Variants in ZNF215 observed in about 807,000 individuals in gnomAD.
ZNF215 encodes BWSCR2-associated zinc finger protein 2.
Under a neutral mutation model 27.2 loss-of-function variants are expected in ZNF215, and 24 were observed. The ratio of observed to expected loss-of-function variants is 0.88; its 90% confidence interval spans 0.64 to 1.24. The LOEUF (loss-of-function observed/expected upper bound fraction) is 1.24. ZNF215 is among the 50% of genes most tolerant of loss of function. ZNF215 has a pLI of 0.00. For synonymous variants in ZNF215, 210 were observed against 204.0 expected (o/e 1.03, Z -0.25); for missense variants, 675 against 605.7 (o/e 1.11, Z -1.20).
chr11:6,978,058 A>T (rs2857924), intron 5 of ZNF215, among the ~76,000 whole-genome samples: 35,234 of 151,822 alleles, frequency 0.23, 4,533 homozygotes, highest in Non-Finnish European at 0.29. Context: ...TCTAACTAAC[A>T]TTACTAAGCA....
intron 5 of ZNF215, among the ~76,000 whole-genome samples, chr11:6,965,572 T>G (rs1850602017): frequency 6.6e-6 from 1 of 152,058 alleles, no homozygotes; most frequent in Non-Finnish European, 1.5e-5. Context: ...TGTCTTAAGG[T>G]TTTTTATTTC....
intron 3 of ZNF215, among the ~76,000 whole-genome samples, chr11:6,935,520 C>T (rs927387597): frequency 7.2e-5 from 11 of 152,014 alleles, no homozygotes; most frequent in Non-Finnish European, 1.5e-5. Flanking sequence ...AAAATTAGTT[C>T]AAAAGTTACT....
At chr11:6,927,560 A>T (rs1456787560) in intron 1 of ZNF215, 102 bp from the exon 2 acceptor site, 1 of 152,256 alleles carries the variant, frequency 6.6e-6, no homozygotes, top group Non-Finnish European at 1.5e-5. Context: ...TCACAGTGGT[A>T]CTGGCTCCGT....
At chr11:6,978,898 A>G (rs2638105) in intron 5 of ZNF215, among the ~76,000 whole-genome samples, 35,803 of 152,012 alleles carry the variant, frequency 0.24, 4,790 homozygotes, top group Non-Finnish European at 0.3. Context: ...GAATTATAAG[A>G]TGAACAAAAA....
downstream of ZNF215, chr11:6,988,408 G>A (rs970780056): frequency 7.6e-6 from 2 of 262,296 alleles, no homozygotes; most frequent in Non-Finnish European, 1.2e-5. Flanking sequence ...AGGCTTTAAT[G>A]TAACTGATTT....
chr11:6,963,961 T>G (rs1850566235), intron 5 of ZNF215, among the ~76,000 whole-genome samples: 1 of 151,956 alleles, frequency 6.6e-6, no homozygotes, highest in Non-Finnish European at 1.5e-5. Flanking sequence ...TTAATCCGGG[T>G]TTTTTAAATG....
At position 6,966,779 on chromosome 11, in the gene ZNF215, A is replaced by AT. The variant is rs905999859; in HGVS notation, c.805+11006dup. Among the ~76,000 whole-genome samples, 8 of 148,262 alleles carry AT rather than the reference A, an allele frequency of 5.4e-5. No homozygotes were observed. The East Asian group carries it at 6.0e-4, about 11-fold the overall frequency. On this transcript the variant is annotated intron_variant, in intron 5 of 5. Transcript: ENST00000529903. ...TTTTTGTTTCTTAAGGTAGATGCTTATTTTTTTTTAAGTATATGGGAAGTT... is the reference window on the plus strand; with the variant it reads ...TTTTTGTTTCTTAAGGTAGATGCTTATTTTTTTTTTAAGTATATGGGAAGTT...
chr11:6,937,448 T>C (rs544964985), intron 3 of ZNF215, among the ~76,000 whole-genome samples: 2 of 148,610 alleles, frequency 1.3e-5, no homozygotes, highest in Non-Finnish European at 3.0e-5. Context: ...CAAAGCAATC[T>C]ACAGATTCAA....
At chr11:6,965,143 A>G (rs1450088177) in intron 5 of ZNF215, among the ~76,000 whole-genome samples, 1 of 152,132 alleles carries the variant, frequency 6.6e-6, no homozygotes, top group African/African-American at 2.4e-5. Context: ...CAGAAGAAAT[A>G]TCTGAGTGAA....
chr11:6,992,505 C>G (rs962743438), downstream of ZNF215, among the ~76,000 whole-genome samples: 5 of 152,286 alleles, frequency 3.3e-5, no homozygotes, highest in Admixed American at 3.3e-4. Context: ...TTTACACTAA[C>G]AGTAAAGTAT....
rs1190348589 is a variant in ZNF215 at position 6,973,358 on chromosome 11, C to T, written c.806-10771C>T. 8.5e-5 allele frequency among the ~76,000 whole-genome samples: 13 copies of T among 152,200 alleles called. No homozygotes were observed. In the South Asian group the frequency reaches 1.7e-3, roughly 19 times the overall value. ...TGTGAATAGTGCCACAATAAACATA[C>T]GTGTGCATGTGTCTTTATAGCAGCA... On this transcript the variant is annotated intron_variant, in intron 5 of 5. Transcript: ENST00000529903.
intron 3 of ZNF215, among the ~76,000 whole-genome samples, chr11:6,934,256 T>C (rs905507970): frequency 6.6e-5 from 10 of 152,184 alleles, no homozygotes; most frequent in African/African-American, 2.2e-4. Context: ...AACAATGGTA[T>C]AACAAAAAGG....
At chr11:6,934,958 A>G (rs941048795) in intron 3 of ZNF215, among the ~76,000 whole-genome samples, 1 of 152,204 alleles carries the variant, frequency 6.6e-6, no homozygotes, top group Non-Finnish European at 1.5e-5. Flanking sequence ...TACAGAACTG[A>G]AGAAAGGCTT....
intron 1 of ZNF215, among the ~76,000 whole-genome samples, chr11:6,927,338 T>C (rs1849088803): frequency 6.6e-6 from 1 of 152,208 alleles, no homozygotes; most frequent in Non-Finnish European, 1.5e-5. Context: ...TGTTTTCTGT[T>C]CCTCTTTATC....
chr11:6,963,122 T>C (rs545345115), intron 5 of ZNF215, among the ~76,000 whole-genome samples: 2 of 152,248 alleles, frequency 1.3e-5, no homozygotes, highest in South Asian at 4.1e-4. Flanking sequence ...GTGAATTCAA[T>C]TGAATTAATC....
chr11:6,938,553 C>A (rs1393117062), intron 3 of ZNF215, among the ~76,000 whole-genome samples: 1 of 151,662 alleles, frequency 6.6e-6, no homozygotes, highest in Admixed American at 6.6e-5. Context: ...TATATACATA[C>A]AGTGGAGTAT....
chr11:6,955,798 A>G lies in ZNF215; in HGVS notation c.821A>G (p.Tyr274Cys). Residue 274 changes from tyrosine (Y) to cysteine (C), a missense_variant, in exon 7 of 7, where the codon TAT becomes TGT. Coordinates refer to ENST00000278319, the MANE Select transcript of ZNF215 (RefSeq NM_013250.4). Reference sequence around the variant, plus strand: ...GCCTGGAAAGGTGAGAATTGGTTATATAGGAACCAGAAAAAATGGGACATA... The same window carrying G: ...GCCTGGAAAGGTGAGAATTGGTTATGTAGGAACCAGAAAAAATGGGACATA... The part of the protein sequence containing the change: ...SDAWKGENWL[Y>C]RNQKKWDINL... The G allele has an allele frequency of 1.9e-6, 3 of 1,613,890 alleles. No individual in the cohort carries two copies. Among genetic ancestry groups the G allele is most frequent in the Non-Finnish European group, 2.5e-6 (3 of 1,179,976 alleles).
intron 6 of ZNF215, among the ~76,000 whole-genome samples, chr11:6,949,553 T>G (rs1849965984): frequency 6.6e-6 from 1 of 152,030 alleles, no homozygotes; most frequent in Non-Finnish European, 1.5e-5. Flanking sequence ...TCTGTTCATG[T>G]CCTTCGCCCA....
intron 5 of ZNF215, among the ~76,000 whole-genome samples, chr11:6,972,382 C>T (rs1041791829): frequency 1.4e-5 from 2 of 146,834 alleles, no homozygotes; most frequent in African/African-American, 2.5e-5. Flanking sequence ...CATCAGCCCC[C>T]GTTAGACTAA....
Sources: gnomAD v4.1 joint callset for allele counts (sites outside exome capture counted in the v4.1 genomes callset) on GRCh38, gnomAD v4.1.1 for gene constraint, MANE v1.5 for transcripts, NCBI Gene and HGNC (gene_info 2026-07-23, HGNC 2026-07-21) for gene names.